Variants in MALRD1 observed in about 807,000 individuals in gnomAD.
MALRD1 encodes the protein MAM and LDL-receptor class A domain-containing protein 1.
MALRD1 carries 247 observed loss-of-function variants against 242.1 expected under a neutral mutation model. The ratio of observed to expected loss-of-function variants is 1.02; its 90% confidence interval spans 0.92 to 1.13. The LOEUF is 1.13. Ranked by LOEUF, MALRD1 falls within the 50% of genes most tolerant of loss-of-function variation. The pLI, the probability that MALRD1 is intolerant of heterozygous loss-of-function variation, is 0.00. For synonymous variants in MALRD1, 995 were observed against 866.6 expected, an observed-to-expected ratio of 1.15 and a Z score of -2.60; for missense variants, 2,989 against 2,533.1, an observed-to-expected ratio of 1.18 and a Z score of -3.86.
At chr10:19,351,861 T>A in intron 25 of MALRD1, 145 bp from the exon 26 acceptor site, 1 of 758,636 alleles carries the variant, frequency 1.3e-6, no homozygotes, top group South Asian at 2.0e-5. Context: ...AGTGTTAAAG[T>A]GCAGACAGAG....
At chr10:19,545,881 C>T (rs932068681) in intron 32 of MALRD1, among the ~76,000 whole-genome samples, 3 of 152,118 alleles carry the variant, frequency 2.0e-5, no homozygotes, top group African/African-American at 7.2e-5. Flanking sequence ...GGTCTTTAAT[C>T]TGGGTCAGTT....
chr10:19,447,189 G>A (rs1465678552), intron 28 of MALRD1, among the ~76,000 whole-genome samples: 1 of 151,948 alleles, frequency 6.6e-6, no homozygotes, highest in African/African-American at 2.4e-5. Flanking sequence ...CTCCAGGTAG[G>A]CTCCATGTCT....
intron 18 of MALRD1, among the ~76,000 whole-genome samples, chr10:19,230,412 A>G (rs947668423): frequency 6.6e-6 from 1 of 152,116 alleles, no homozygotes; most frequent in Non-Finnish European, 1.5e-5. Context: ...GAAGCTTCCA[A>G]TCATGGTGGA....
intron 2 of MALRD1, among the ~76,000 whole-genome samples, chr10:19,083,685 C>T (rs1408113385): frequency 6.6e-6 from 1 of 151,878 alleles, no homozygotes; most frequent in Non-Finnish European, 1.5e-5. Context: ...GGTCTAGCAC[C>T]ATTTTACTCA....
At chr10:19,350,824 G>C (rs1305779687) in intron 25 of MALRD1, among the ~76,000 whole-genome samples, 1 of 152,192 alleles carries the variant, frequency 6.6e-6, no homozygotes, top group Non-Finnish European at 1.5e-5. Flanking sequence ...GGTCCTTGCA[G>C]AAGTGTGCCA....
At chr10:19,600,030 A>G (rs1195887682) in intron 34 of MALRD1, among the ~76,000 whole-genome samples, 1 of 152,136 alleles carries the variant, frequency 6.6e-6, no homozygotes. Context: ...CAGTGACAGA[A>G]CAACTGTGAA....
At chr10:19,192,780 A>G (rs1836050706) in intron 14 of MALRD1, among the ~76,000 whole-genome samples, 1 of 152,224 alleles carries the variant, frequency 6.6e-6, no homozygotes, top group Non-Finnish European at 1.5e-5. Context: ...AGAAACTAAA[A>G]TAAAACAAAT....
At chr10:19,125,056 CT>C (rs1423365400) in intron 7 of MALRD1, among the ~76,000 whole-genome samples, 2 of 140,304 alleles carry the variant, frequency 1.4e-5, no homozygotes, top group African/African-American at 5.2e-5. Flanking sequence ...AGTGATTCTC[CT>C]GTCTCAGCCT....
intron 21 of MALRD1, among the ~76,000 whole-genome samples, chr10:19,289,854 T>C (rs990439813): frequency 6.6e-6 from 1 of 152,180 alleles, no homozygotes; most frequent in Non-Finnish European, 1.5e-5. Flanking sequence ...GTTTTAAAAA[T>C]TGGAAGGCTT....
chr10:19,065,452 A>G (rs1834949537), intron 1 of MALRD1, among the ~76,000 whole-genome samples: 1 of 152,038 alleles, frequency 6.6e-6, no homozygotes, highest in African/African-American at 2.4e-5. Context: ...GATCAATGAG[A>G]GCAGCTAGGA....
chr10:19,211,194 C>T (rs923615516), intron 18 of MALRD1, among the ~76,000 whole-genome samples: 2 of 151,974 alleles, frequency 1.3e-5, no homozygotes, highest in African/African-American at 2.4e-5. Context: ...ATAGCCAGAT[C>T]GACGTGGGAC....
rs1189157406 is a variant in MALRD1 at position 19,403,811 on chromosome 10, T to C, written c.4845+14202T>C. Among the ~76,000 whole-genome samples the C allele has an allele frequency of 2.0e-5, 3 of 152,280 alleles. No homozygotes were observed. The East Asian group carries it at 5.8e-4, about 29-fold the overall frequency. On this transcript the variant is annotated intron_variant, in intron 28 of 39. Coordinates refer to ENST00000454679, the MANE Select transcript of MALRD1 (RefSeq NM_001142308.3). ...ATGGTGAGAATATTCTTTAGTCTTT[T>C]TAGCGTTTGTTTCTAAGTTATTTTT...
At chr10:19,588,993 G>A (rs1355692699) in intron 33 of MALRD1, among the ~76,000 whole-genome samples, 1 of 152,132 alleles carries the variant, frequency 6.6e-6, no homozygotes, top group African/African-American at 2.4e-5. Flanking sequence ...GCTAGCTGAT[G>A]TTTATGTGCT....
chr10:19,113,225 C>T (rs1836742381), intron 5 of MALRD1, among the ~76,000 whole-genome samples: 1 of 152,086 alleles, frequency 6.6e-6, no homozygotes, highest in African/African-American at 2.4e-5. Context: ...TTACTGCCTC[C>T]AGGACAGAAT....
intron 1 of MALRD1, among the ~76,000 whole-genome samples, chr10:19,050,258 T>C (rs983153128): frequency 6.6e-6 from 1 of 150,868 alleles, no homozygotes; most frequent in Admixed American, 6.6e-5. Context: ...CGGCTAATTT[T>C]TTGTATTTTT....
At chr10:19,544,224 T>C (rs540687031) in intron 32 of MALRD1, among the ~76,000 whole-genome samples, 1 of 152,154 alleles carries the variant, frequency 6.6e-6, no homozygotes, top group South Asian at 2.1e-4. Flanking sequence ...AGTCTCGCTC[T>C]TGTCACCCAG....
rs147930434 is a variant in MALRD1, at chr10:19,623,335, A to C, written c.6137+7412A>C. Among the ~76,000 whole-genome samples the C allele has an allele frequency of 6.6e-5, 10 of 152,236 alleles. No individual in the cohort carries two copies. In the East Asian group the frequency reaches 1.9e-3, roughly 30 times the overall value. On this transcript the variant is annotated intron_variant, in intron 36 of 39. Transcript: ENST00000454679. ...AAAGCCCGAATGTCACAGAGAAGAA[A>C]GAGATAAAAAATTCATTTTAAAATA... is the stretch of plus-strand genomic sequence containing the variant.
intron 26 of MALRD1, among the ~76,000 whole-genome samples, chr10:19,371,865 C>T (rs1246269175): frequency 6.6e-6 from 1 of 152,004 alleles, no homozygotes; most frequent in Non-Finnish European, 1.5e-5. Context: ...TGTTTACTAC[C>T]TGGGTCATAG....
intron 19 of MALRD1, among the ~76,000 whole-genome samples, chr10:19,262,953 A>G (rs11009177): frequency 6.6e-6 from 1 of 152,038 alleles, no homozygotes; most frequent in Non-Finnish European, 1.5e-5. Context: ...TTTCATAAAG[A>G]CAGGATTTCT....
Sources: gnomAD v4.1 joint callset for allele counts (sites outside exome capture counted in the v4.1 genomes callset) on GRCh38, gnomAD v4.1.1 for gene constraint, MANE v1.5 for transcripts, NCBI Gene and HGNC (gene_info 2026-07-23, HGNC 2026-07-21) for gene names.